The following KIAA1549 variants were observed in gnomAD, a reference collection of about 807,000 sequenced individuals.
KIAA1549 encodes the protein KIAA1549.
KIAA1549 carries 70 observed loss-of-function variants against 156.4 expected under a neutral mutation model. The observed-to-expected ratio is 0.45, with a 90% CI of 0.37 to 0.55. The LOEUF (loss-of-function observed/expected upper bound fraction) is 0.55, where lower values mean the gene tolerates loss of function less well. Among genes scored for constraint, KIAA1549 ranks in the 20% least tolerant of loss-of-function variants. The pLI is 0.00. For missense variants in KIAA1549, 2,428 were observed against 2,540.9 expected, an observed-to-expected ratio of 0.96 and a Z score of 0.96; for synonymous variants, 1,103 against 1,066.4, an observed-to-expected ratio of 1.03 and a Z score of -0.67.
intron 1 of KIAA1549, among the ~76,000 whole-genome samples, chr7:138,956,378 C>T (rs970439804): frequency 3.7e-4 from 56 of 152,294 alleles, no homozygotes; most frequent in African/African-American, 1.1e-3. Context: ...GGAGAAGCCA[C>T]GGTACTGAAT....
intron 12 of KIAA1549, among the ~76,000 whole-genome samples, chr7:138,875,609 C>T (rs1811062454): frequency 6.6e-6 from 1 of 152,096 alleles, no homozygotes. Context: ...TGTGCCACTG[C>T]ACTCGAGACT....
At chr7:138,847,665 T>C (rs1252931363) in intron 17 of KIAA1549, among the ~76,000 whole-genome samples, 3 of 152,208 alleles carry the variant, frequency 2.0e-5, no homozygotes, top group African/African-American at 7.2e-5. Context: ...ATGCACAATA[T>C]TTAGAATGGT....
At chr7:138,860,442 T>C (rs886613309) in intron 16 of KIAA1549, among the ~76,000 whole-genome samples, 5 of 152,244 alleles carry the variant, frequency 3.3e-5, no homozygotes, top group African/African-American at 1.2e-4. Flanking sequence ...TAAATTCATA[T>C]TGTGACCTAT....
At chr7:138,899,405 C>T (rs1057324037) in intron 8 of KIAA1549, among the ~76,000 whole-genome samples, 1 of 152,156 alleles carries the variant, frequency 6.6e-6, no homozygotes, top group African/African-American at 2.4e-5. Flanking sequence ...AGAACCAGGG[C>T]TGGCGAGTCC....
chr7:138,888,935 C>T (rs143903750), intron 10 of KIAA1549, among the ~76,000 whole-genome samples: 92 of 152,266 alleles, frequency 6.0e-4, no homozygotes, highest in African/African-American at 2.1e-3. Flanking sequence ...AAAATCCTAA[C>T]AGGAGCGATT....
intron 1 of KIAA1549, among the ~76,000 whole-genome samples, chr7:138,959,332 T>G (rs552882317): frequency 6.6e-6 from 1 of 152,316 alleles, no homozygotes; most frequent in African/African-American, 2.4e-5. Flanking sequence ...CCCATTTATC[T>G]ACATATTCAT....
chr7:138,853,408 A>G (rs1810289844), intron 16 of KIAA1549, among the ~76,000 whole-genome samples: 1 of 152,188 alleles, frequency 6.6e-6, no homozygotes, highest in Non-Finnish European at 1.5e-5. Flanking sequence ...TTTGGACTCC[A>G]AAGACCATGC....
At chr7:138,951,339 T>C (rs540450531) in intron 1 of KIAA1549, among the ~76,000 whole-genome samples, 3 of 152,224 alleles carry the variant, frequency 2.0e-5, no homozygotes, top group African/African-American at 7.2e-5. Flanking sequence ...TCTTTAGATC[T>C]CTCTCACCTT....
intron 1 of KIAA1549, among the ~76,000 whole-genome samples, chr7:138,927,475 T>C (rs1404613830): frequency 1.3e-5 from 2 of 152,180 alleles, no homozygotes; most frequent in Non-Finnish European, 2.9e-5. Context: ...CTGTCTCTAC[T>C]AAAAATACAA....
chr7:138,980,848 G>A (rs1198181758), intron 1 of KIAA1549, among the ~76,000 whole-genome samples: 1 of 152,220 alleles, frequency 6.6e-6, no homozygotes, highest in African/African-American at 2.4e-5. Flanking sequence ...GAACAGCTTT[G>A]CAGACCCCTT....
At position 138,861,376 on chromosome 7, in the gene KIAA1549, G is replaced by A. The variant is rs1810571205; in HGVS notation, c.5010C>T (p.Ala1670=). ...LGRYPALPFP[A]SQYIPPQPSI... ...ACGGCTGGGGTGGGATGTACTGGGA[G>A]GCCGGGAAGGGAAGGGCTGGATACC... The change falls in exon 16 of 20, where the codon GCC becomes GCT. Residue 1670 remains alanine, a synonymous_variant. Transcript: ENST00000422774. The A allele has an allele frequency of 6.2e-7, 1 of 1,611,312 alleles. No homozygotes were observed. The highest frequency in any genetic ancestry group is 8.5e-7 in the Non-Finnish European group (1 of 1,179,190).
At position 138,844,666 on chromosome 7, in the gene KIAA1549, T is replaced by G. The variant is rs1043607910; in HGVS notation, c.5295-192A>C. Reference sequence around the variant, plus strand: ...GGACTTTTCTATTTGTTCACTGCCCTACCTCCAGCACTAGAACAGCGCCTG... The same window carrying G: ...GGACTTTTCTATTTGTTCACTGCCCGACCTCCAGCACTAGAACAGCGCCTG... On this transcript the variant is annotated intron_variant, in intron 17 of 19. Transcript: ENST00000422774. 2.6e-5 allele frequency among the ~76,000 whole-genome samples: 4 copies of G among 152,150 alleles called. No homozygotes were observed. In the East Asian group the frequency reaches 7.7e-4, roughly 29 times the overall value.
rs1044459213 is a variant in KIAA1549, at chr7:138,899,070, C to T, written c.3732G>A (p.Glu1244=). ...CACTGAGTCTTTCTCCATCTTGATC[C>T]TCCACAAAGTAGATGAGCTGTACCG... ...DNPVQLIYFV[E]DQDGERLSAV... is the part of the protein sequence containing the mutation. Residue 1244 remains glutamate, a synonymous_variant, in exon 9 of 20, where the codon GAG becomes GAA. Transcript: ENST00000422774. 4.4e-5 allele frequency: 71 copies of T among 1,613,690 alleles called. No homozygotes were observed. The highest frequency in any genetic ancestry group is 5.8e-5 in the Non-Finnish European group (69 of 1,179,756).
At chr7:138,879,507 T>TTA (rs1811180499) in intron 12 of KIAA1549, 31 bp downstream of exon 12, 2 of 1,404,710 alleles carry the variant, frequency 1.4e-6, no homozygotes, top group Non-Finnish European at 2.0e-6. Context: ...AGGGACTACT[T>TTA]TTAATGGGAA....
intron 7 of KIAA1549, among the ~76,000 whole-genome samples, chr7:138,904,621 CAAA>C (rs768150554): frequency 2.8e-4 from 13 of 45,716 alleles, no homozygotes; most frequent in Admixed American, 8.3e-4. Flanking sequence ...TCCCCTAAGA[CAAA>C]AAAAAAAAAA....
In KIAA1549 at chr7:138,869,665, C is replaced by T. The variant is rs116788555; in HGVS notation, c.4648G>A (p.Val1550Ile). The T allele has an allele frequency of 1.0e-3, 1,656 of 1,612,322 alleles. 8 individuals are homozygous for T. In the African/African-American group the frequency reaches 0.02, roughly 19 times the overall value. The stretch of plus-strand genomic sequence containing the variant: ...GTGTCGCCCGAGGACAGGTCGTCTA[C>T]CACCGGGAACTCGTAGTGCCCGCGG... ...KRRGHYEFPV[V>I]DDLSSGDTKE... The change falls in exon 14 of 20, where the codon GTA becomes ATA. Residue 1550 changes from valine (V) to isoleucine (I), a missense_variant. Around this residue, in one of 5 missense-constraint regions of KIAA1549, gnomAD observed 404 missense variants for 417.0 expected, o/e 0.97. Transcript: ENST00000422774.
At chr7:138,852,920 A>AACTCTTTTT (rs1810277048) in intron 16 of KIAA1549, among the ~76,000 whole-genome samples, 1 of 152,220 alleles carries the variant, frequency 6.6e-6, no homozygotes, top group Admixed American at 6.5e-5. Flanking sequence ...TCCTTCAATC[A>AACTCTTTTT]ACTCTTTTTA....
chr7:138,861,058 G>GC, intron 16 of KIAA1549, 81 bp downstream of exon 16: 7 of 1,406,242 alleles, frequency 5.0e-6, no homozygotes, highest in Non-Finnish European at 7.0e-6. Flanking sequence ...ACGGTTTTGT[G>GC]CGGAGCCTGA....
chr7:138,923,127 T>A (rs1812609459), intron 1 of KIAA1549, among the ~76,000 whole-genome samples: 1 of 152,214 alleles, frequency 6.6e-6, no homozygotes, highest in South Asian at 2.1e-4. Flanking sequence ...CCTCAAGTGC[T>A]GAGAGAAACT....
Sources: allele counts gnomAD v4.1 joint callset (sites outside exome capture counted in the v4.1 genomes callset), GRCh38; gene constraint gnomAD v4.1.1; regional missense constraint gnomAD v4.1.1; transcripts MANE v1.5; gene names NCBI Gene and HGNC (gene_info 2026-07-23, HGNC 2026-07-21).